CNTNAP2: variants seen among roughly 807,000 people sequenced by gnomAD.
CNTNAP2 encodes the protein contactin associated protein 2, also known as contactin-associated protein-like 2.
A neutral mutation model predicts 155.2 loss-of-function variants in CNTNAP2; 98 were observed. The ratio of observed to expected loss-of-function variants is 0.63; its 90% CI spans 0.54 to 0.75. The LOEUF (loss-of-function observed/expected upper bound fraction) is 0.75, where lower values mean the gene tolerates loss of function less well. Among genes scored for constraint, CNTNAP2 ranks in the 30% least tolerant of loss-of-function variants. The probability of loss-of-function intolerance (pLI) is 0.00; values close to 1 mark genes in which losing one functional copy is unlikely to be tolerated. For missense variants in CNTNAP2, 1,727 were observed against 1,688.1 expected, an observed-to-expected ratio of 1.02 and a Z score of -0.40; for synonymous variants, 651 against 631.2, an observed-to-expected ratio of 1.03 and a Z score of -0.47.
chr7:147,247,621 TTGAC>T (rs1264148278), intron 8 of CNTNAP2, among the ~76,000 whole-genome samples: 1 of 152,238 alleles, frequency 6.6e-6, no homozygotes, highest in East Asian at 1.9e-4. Flanking sequence ...AAGATAAAGA[TTGAC>T]TGATTACCAC....
chr7:147,264,409 T>C (rs1265885613), intron 8 of CNTNAP2, among the ~76,000 whole-genome samples: 1 of 151,864 alleles, frequency 6.6e-6, no homozygotes, highest in Non-Finnish European at 1.5e-5. Context: ...AAGAGATACG[T>C]AGAATGGTAG....
chr7:147,958,167 G>A (rs2250061), intron 14 of CNTNAP2, among the ~76,000 whole-genome samples: 122,852 of 152,046 alleles, frequency 0.81, 50,670 homozygotes, highest in South Asian at 0.92. Flanking sequence ...TCTGTATCAC[G>A]AGTAATTTGA....
At chr7:146,317,223 A>T (rs1055092671) in intron 1 of CNTNAP2, among the ~76,000 whole-genome samples, 1 of 152,214 alleles carries the variant, frequency 6.6e-6, no homozygotes, top group African/African-American at 2.4e-5. Flanking sequence ...TATAAGAATC[A>T]TTACAAAATT....
At position 146,292,942 on chromosome 7, in the gene CNTNAP2, C is replaced by A. The variant is rs184247115; in HGVS notation, c.97+175969C>A. Among the ~76,000 whole-genome samples, 8 of 152,048 alleles carry A rather than the reference C, an allele frequency of 5.3e-5. No homozygotes were observed. In the East Asian group the frequency reaches 1.5e-3, roughly 29 times the overall value. On this transcript the variant is annotated intron_variant, in intron 1 of 23. Coordinates refer to ENST00000361727, the MANE Select transcript of CNTNAP2 (RefSeq NM_014141.6). ...AATTACACAAGAGAAATACATTATT[C>A]TTTGGGATATATTGTAAAGCATGGT... is the stretch of plus-strand genomic sequence containing the variant.
intron 8 of CNTNAP2, among the ~76,000 whole-genome samples, chr7:147,189,707 C>T (rs958533252): frequency 2.6e-5 from 4 of 151,794 alleles, no homozygotes; most frequent in African/African-American, 7.3e-5. Context: ...TCTCCTTACT[C>T]TATGACTTCC....
chr7:147,106,727 T>C (rs1021787352), intron 4 of CNTNAP2, among the ~76,000 whole-genome samples: 1 of 152,174 alleles, frequency 6.6e-6, no homozygotes, highest in Non-Finnish European at 1.5e-5. Flanking sequence ...TCGAAGTAAC[T>C]GTATGCACAA....
At position 147,128,731 on chromosome 7, in the gene CNTNAP2, C is replaced by A; in HGVS notation, c.978C>A (p.Ser326Arg). ...FGGIPFSGKP[S>R]SSSRKNFKGC... Reference sequence around the variant, plus strand: ...GCATCCCTTTCTCTGGCAAGCCCAGCTCCAGCAGTAGAAAGAATTTCAAAG... The same window carrying A: ...GCATCCCTTTCTCTGGCAAGCCCAGATCCAGCAGTAGAAAGAATTTCAAAG... The change falls in exon 7 of 24, where the codon AGC becomes AGA. Residue 326 changes from serine (S) to arginine (R), a missense_variant. Coordinates refer to ENST00000361727, the MANE Select transcript of CNTNAP2 (RefSeq NM_014141.6). The A allele has an allele frequency of 6.2e-7, 1 of 1,614,050 alleles. No individual in the cohort carries two copies. Among genetic ancestry groups the A allele is most frequent in the Non-Finnish European group, 8.5e-7 (1 of 1,179,944 alleles).
intron 14 of CNTNAP2, among the ~76,000 whole-genome samples, chr7:147,969,374 A>T (rs983092821): frequency 6.6e-6 from 1 of 152,086 alleles, no homozygotes; most frequent in Non-Finnish European, 1.5e-5. Context: ...CTGATTGATG[A>T]CTATGACTCT....
chr7:147,949,217 A>C (rs908427989), intron 14 of CNTNAP2, among the ~76,000 whole-genome samples: 1 of 151,998 alleles, frequency 6.6e-6, no homozygotes, highest in Non-Finnish European at 1.5e-5. Context: ...AAGAAAAGAA[A>C]AAAGAAAGAA....
intron 21 of CNTNAP2, among the ~76,000 whole-genome samples, chr7:148,318,357 A>G (rs1204130150): frequency 3.3e-5 from 5 of 152,212 alleles, no homozygotes. Context: ...TTCAATGTGC[A>G]TATGATGGGT....
intron 20 of CNTNAP2, among the ~76,000 whole-genome samples, chr7:148,258,242 G>A (rs567441923): frequency 2.6e-5 from 4 of 152,276 alleles, no homozygotes; most frequent in Admixed American, 2.6e-4. Flanking sequence ...TGGTAACTGA[G>A]GCAGCGTCCT....
At chr7:146,125,767 G>T (rs1157453423) in intron 1 of CNTNAP2, among the ~76,000 whole-genome samples, 2 of 151,952 alleles carry the variant, frequency 1.3e-5, no homozygotes, top group Non-Finnish European at 2.9e-5. Flanking sequence ...TTGTGGAATT[G>T]ATTCCAAAGA....
intron 2 of CNTNAP2, among the ~76,000 whole-genome samples, chr7:146,838,529 G>A (rs929824768): frequency 6.6e-6 from 1 of 152,100 alleles, no homozygotes; most frequent in African/African-American, 2.4e-5. Context: ...TGTTGGCCAG[G>A]CTGATCTCCA....
intron 2 of CNTNAP2, among the ~76,000 whole-genome samples, chr7:146,780,128 C>A (rs1431926505): frequency 2.0e-5 from 3 of 152,108 alleles, no homozygotes; most frequent in Admixed American, 6.5e-5. Context: ...ATTTACACTC[C>A]TACCAACAGT....
intron 10 of CNTNAP2, among the ~76,000 whole-genome samples, chr7:147,472,222 T>TTTTTTTTTTTTTTTTTTTTTTTTTTTC (rs1299246546): frequency 7.0e-6 from 1 of 142,148 alleles, no homozygotes; most frequent in African/African-American, 2.6e-5. Flanking sequence ...TTTTTTTTTT[T>TTTTTTTTTTTTTTTTTTTTTTTTTTTC]TTTTTTTTGA....
intron 1 of CNTNAP2, among the ~76,000 whole-genome samples, chr7:146,634,414 C>G (rs1799564070): frequency 6.6e-6 from 1 of 152,164 alleles, no homozygotes; most frequent in Non-Finnish European, 1.5e-5. Context: ...TTTCTGATTT[C>G]TCTCCATCAT....
At chr7:147,235,345 G>GGT (rs60072934) in intron 8 of CNTNAP2, among the ~76,000 whole-genome samples, 35,164 of 140,730 alleles carry the variant, frequency 0.25, 4,759 homozygotes, top group Non-Finnish European at 0.33. Flanking sequence ...TGGAGTTTTT[G>GGT]GTGTGTGTGT....
rs779633725 is a variant in CNTNAP2 at position 147,108,313 on chromosome 7, A to G, written c.717A>G (p.Glu239=). The G allele has an allele frequency of 1.2e-6, 2 of 1,613,562 alleles. No homozygotes were observed. The highest frequency in any genetic ancestry group is 2.7e-5 in the African/African-American group (2 of 74,910). Residue 239 remains glutamate (E), a synonymous_variant, in exon 5 of 24, where the codon GAA becomes GAG. Coordinates refer to ENST00000361727, the MANE Select transcript of CNTNAP2 (RefSeq NM_014141.6). The part of the protein sequence containing the change: ...EGQQGDYITL[E]LKKAKLVLSL... Reference sequence around the variant, plus strand: ...AGCAAGGAGATTACATTACCTTGGAACTGAAAAAAGCCAAGCTGGTCCTCA... The same window carrying G: ...AGCAAGGAGATTACATTACCTTGGAGCTGAAAAAAGCCAAGCTGGTCCTCA...
intron 1 of CNTNAP2, among the ~76,000 whole-genome samples, chr7:146,127,127 T>C (rs1278407811): frequency 6.6e-6 from 1 of 152,242 alleles, no homozygotes; most frequent in Non-Finnish European, 1.5e-5. Flanking sequence ...CTGAGATCTT[T>C]GCAGTTTCTC....
Sources: allele counts gnomAD v4.1 joint callset (sites outside exome capture counted in the v4.1 genomes callset), GRCh38; gene constraint gnomAD v4.1.1; transcripts MANE v1.5; gene names NCBI Gene and HGNC (gene_info 2026-07-23, HGNC 2026-07-21).